Variants in SCRIB observed in about 807,000 individuals in gnomAD.
The protein encoded by SCRIB is scribble planar cell polarity protein.
A neutral mutation model predicts 170.0 loss-of-function variants in SCRIB; 72 were observed. The observed-to-expected ratio is 0.42, with a 90% confidence interval of 0.35 to 0.52. The LOEUF (loss-of-function observed/expected upper bound fraction) is 0.52. Among genes scored for constraint, SCRIB ranks in the 20% least tolerant of loss-of-function variants. The pLI is 0.02. For synonymous variants in SCRIB, 1,298 were observed against 1,044.3 expected, an observed-to-expected ratio of 1.24 and a Z score of -4.68; for missense variants, 2,475 against 2,338.5, an observed-to-expected ratio of 1.06 and a Z score of -1.20.
Position 143,792,032 on chromosome 8 carries a change from G to T in SCRIB, c.4616C>A (p.Ala1539Asp). ...CGACGGGGTGGGCGCAGGGGAAGGG[G>T]CCTCGGCCAGTCGCTCCAGGGGCCC... is the stretch of plus-strand genomic sequence containing the variant. ...TRGPLERLAEAPSPAPTPSPT... is the reference protein window; with the variant it reads ...TRGPLERLAEDPSPAPTPSPT... The change falls in exon 33 of 37, where the codon GCC (alanine) becomes GAC (aspartate). Residue 1539 changes from alanine to aspartate, a missense_variant. Physicochemically the swap from Ala to Asp is moderately radical, Grantham distance 126. This residue lies in a region of SCRIB where 1,966 missense variants were observed against 1,742.9 expected (regional missense o/e 1.13). Transcript: ENST00000356994. 1 of 1,569,272 alleles carries T rather than the reference G, an allele frequency of 6.4e-7. No individual in the cohort carries two copies. Among genetic ancestry groups the T allele is most frequent in the East Asian group, 2.3e-5 (1 of 42,708 alleles).
chr8:143,811,418 G>C, intron 9 of SCRIB, 73 bp from the exon 10 acceptor site: 2 of 1,392,374 alleles, frequency 1.4e-6, no homozygotes, highest in South Asian at 1.2e-5. Context: ...GCCCCTGGCA[G>C]GAGGGCACAG....
At chr8:143,809,409 A>C in intron 14 of SCRIB, 142 bp downstream of exon 14, 1 of 961,448 alleles carries the variant, frequency 1.0e-6, no homozygotes, top group Non-Finnish European at 1.6e-6. Flanking sequence ...ACCCGTAGCC[A>C]CTCTGTACAG....
Position 143,815,282 on chromosome 8 carries a change from T to G in SCRIB, c.91A>C (p.Ile31Leu). ...TCCAGGCTGCGGCTGTAGCGGTAGA[T>G]CTCCTCCGGCACGGCCTGCAGCGAA... ...HCSLQAVPEE[I>L]YRYSRSLEEL... The change falls in exon 1 of 37, where the codon ATC becomes CTC. Residue 31 changes from isoleucine (I) to leucine (L), a missense_variant. By Grantham distance (5) the Ile-to-Leu change is conservative. Transcript: ENST00000356994. 6.3e-7 allele frequency: 1 copy of G among 1,596,784 alleles called. No homozygotes were observed. Among genetic ancestry groups the G allele is most frequent in the Non-Finnish European group, 8.5e-7 (1 of 1,174,602 alleles).
At chr8:143,795,386 G>A (rs782418196) in intron 25 of SCRIB, 34 bp downstream of exon 25, 11 of 1,612,534 alleles carry the variant, frequency 6.8e-6, no homozygotes, top group Non-Finnish European at 9.3e-6. Flanking sequence ...CGGGCTCCCT[G>A]GCCCTGGGGC....
Position 143,805,577 on chromosome 8 carries a change from G to A in SCRIB, c.2347-142C>T, listed in dbSNP as rs531029494. The A allele has an allele frequency of 2.5e-5, 21 of 851,138 alleles. 1 individual carries two copies. The East Asian group carries it at 4.0e-4, about 16-fold the overall frequency. 52.7% of individuals were successfully genotyped at this position (851,138 alleles called of 1,614,324 possible). ...AAGGCCCCAGGCGCTGACATCACCC[G>A]AGACCTTTAGCCACAAGGTTCCTCG... On this transcript the variant is annotated intron_variant, in intron 18 of 36. Coordinates refer to ENST00000356994, the MANE Select transcript of SCRIB (RefSeq NM_182706.5).
Position 143,792,295 on chromosome 8 carries a change from G to A in SCRIB, c.4439C>T (p.Ala1480Val), listed in dbSNP as rs782123888. 23 of 1,562,148 alleles carry A rather than the reference G, an allele frequency of 1.5e-5. No homozygotes were observed. In the African/African-American group the frequency reaches 2.6e-4, roughly 17 times the overall value. Residue 1480 changes from alanine to valine, a missense_variant, in exon 32 of 37, where the codon GCA (alanine) becomes GTA (valine). Around this residue, in one of 3 missense-constraint regions of SCRIB, gnomAD observed 1,966 missense variants for 1,742.9 expected, o/e 1.13. Transcript: ENST00000356994. The stretch of plus-strand genomic sequence containing the variant: ...GGCAGGGGACAGGGCACGCTCGGGT[G>A]CCGGTGGCTCCGGACTCTGCACGCG... ...RLRVQSPEPP[A>V]PERALSPAEL...
chr8:143,791,966 C>CG, intron 33 of SCRIB, 25 bp downstream of exon 33: 1 of 1,487,556 alleles, frequency 6.7e-7, no homozygotes, highest in Non-Finnish European at 8.9e-7. Context: ...AGGCTGACCC[C>CG]CCCGACCTGC....
At chr8:143,812,230 G>A (rs541715583) in intron 9 of SCRIB, 36 bp downstream of exon 9, 32 of 1,346,474 alleles carry the variant, frequency 2.4e-5, no homozygotes, top group Non-Finnish European at 3.1e-5. Flanking sequence ...CACCCCCGAC[G>A]GCCCCATCCT....
At position 143,813,459 on chromosome 8, in the gene SCRIB, G is replaced by C; in HGVS notation, c.503+11C>G. 1.2e-6 allele frequency: 2 copies of C among 1,613,270 alleles called. No homozygotes were observed. The highest frequency in any genetic ancestry group is 1.7e-6 in the Non-Finnish European group (2 of 1,179,988). Reference sequence around the variant, plus strand: ...TGCCCTGGCTGTTAGGAGAATGCCTGTCACACTCACGCTGGCAGGGACTTG... The same window carrying C: ...TGCCCTGGCTGTTAGGAGAATGCCTCTCACACTCACGCTGGCAGGGACTTG... On this transcript the variant is annotated intron_variant, in intron 5 of 36. Coordinates refer to ENST00000356994, the MANE Select transcript of SCRIB (RefSeq NM_182706.5).
intron 29 of SCRIB, 49 bp from the exon 30 acceptor site, chr8:143,792,916 G>A: frequency 2.0e-6 from 3 of 1,500,490 alleles, no homozygotes; most frequent in Non-Finnish European, 1.8e-6. Flanking sequence ...CCGAGATACT[G>A]GGGCCCCCGG....
In SCRIB at chr8:143,791,982, C is replaced by T; in HGVS notation, c.4657+9G>A. ...GGCTGACCCCCCCGACCTGCCCTGA[C>T]CCACAGACCTTCCACAGGGGTGGGC... is the stretch of plus-strand genomic sequence containing the variant. On this transcript the variant is annotated intron_variant, in intron 33 of 36. Transcript: ENST00000356994. The T allele has an allele frequency of 1.3e-6, 2 of 1,505,988 alleles. No homozygotes were observed. Among genetic ancestry groups the T allele is most frequent in the Non-Finnish European group, 1.8e-6 (2 of 1,127,466 alleles). 93.3% of individuals were successfully genotyped at this position (1,505,988 alleles called of 1,614,324 possible).
intron 27 of SCRIB, 146 bp from the exon 28 acceptor site, chr8:143,794,108 A>G: frequency 2.8e-6 from 2 of 714,758 alleles, no homozygotes; most frequent in Admixed American, 2.5e-5. Context: ...TGCCCCAGAC[A>G]CTCGGTCAGC....
At position 143,809,016 on chromosome 8, in the gene SCRIB, G is replaced by A; in HGVS notation, c.1708C>T (p.His570Tyr). 1 of 1,610,850 alleles carries A rather than the reference G, an allele frequency of 6.2e-7. No individual in the cohort carries two copies. Among genetic ancestry groups the A allele is most frequent in the Non-Finnish European group, 8.5e-7 (1 of 1,178,838 alleles). Reference sequence around the variant, plus strand: ...GGCAGCAGTGCGTCCTCTGCGAAATGCACCGTGGGCTGTGCGGACAAAAGG... The same window carrying A: ...GGCAGCAGTGCGTCCTCTGCGAAATACACCGTGGGCTGTGCGGACAAAAGG... The part of the protein sequence containing the change: ...AEEDYQEPTV[H>Y]FAEDALLPGD... Residue 570 changes from histidine to tyrosine, a missense_variant, in exon 15 of 37, where the codon CAT (histidine) becomes TAT (tyrosine). Physicochemically the swap from His to Tyr is moderately conservative, Grantham distance 83. Coordinates refer to ENST00000356994, the MANE Select transcript of SCRIB (RefSeq NM_182706.5).
intron 21 of SCRIB, 120 bp downstream of exon 21, chr8:143,804,448 G>T: frequency 9.2e-7 from 1 of 1,082,260 alleles, no homozygotes; most frequent in Non-Finnish European, 1.3e-6. Flanking sequence ...CAGGGGAAAG[G>T]GCGAGCAGGC....
rs1001351007 is a variant in SCRIB at position 143,803,787 on chromosome 8, C to T, written c.3274G>A (p.Asp1092Asn). 6.2e-7 allele frequency: 1 copy of T among 1,602,854 alleles called. No individual in the cohort carries two copies. The highest frequency in any genetic ancestry group is 1.7e-4 in the Middle Eastern group (1 of 6,046). The part of the protein sequence containing the change: ...CLELSLLVRR[D>N]PAPPGLRELC... ...TCCCGTAGGCCCGGGGGTGCCGGGT[C>T]CCTCCGCACCAGCAGCGACAGCTCC... Residue 1092 changes from aspartate to asparagine, a missense_variant, in exon 23 of 37, where the codon GAC becomes AAC. Asp to Asn is a conservative substitution (Grantham distance 23). This residue lies in a region of SCRIB where 1,966 missense variants were observed against 1,742.9 expected (regional missense o/e 1.13). Coordinates refer to ENST00000356994, the MANE Select transcript of SCRIB (RefSeq NM_182706.5).
intron 35 of SCRIB, 53 bp downstream of exon 35, chr8:143,791,613 G>A (rs1160651582): frequency 3.3e-5 from 50 of 1,522,352 alleles, no homozygotes; most frequent in East Asian, 6.8e-5. Flanking sequence ...GGATGGGGGC[G>A]GTGGCAGGCA....
chr8:143,808,505 C>T (rs532653283), intron 15 of SCRIB, 104 bp downstream of exon 15: 16 of 1,387,826 alleles, frequency 1.2e-5, no homozygotes, highest in Non-Finnish European at 1.5e-5. Context: ...CTCCGGGTGG[C>T]CAGGGGCCAG....
At chr8:143,807,766 CGTGA>C (rs1423307704) in intron 15 of SCRIB, 152 bp from the exon 16 acceptor site, 25 of 692,658 alleles carry the variant, frequency 3.6e-5, no homozygotes, top group East Asian at 5.4e-5. Context: ...ATCCTGGAGG[CGTGA>C]GTGACACCAC....
intron 28 of SCRIB, chr8:143,793,581 A>G: frequency 2.7e-6 from 1 of 370,256 alleles, no homozygotes. Context: ...AAGGACCCCC[A>G]GACAAAAGGC....
Sources: gnomAD v4.1 joint callset for allele counts on GRCh38, gnomAD v4.1.1 for gene constraint, gnomAD v4.1.1 regional missense constraint, MANE v1.5 for transcripts, NCBI Gene and HGNC (gene_info 2026-07-23, HGNC 2026-07-21) for gene names.